The following ONECUT1 variants were observed in gnomAD, a reference collection of about 807,000 sequenced individuals.
The protein encoded by ONECUT1 is hepatocyte nuclear factor 6.
A neutral mutation model predicts 25.6 loss-of-function variants in ONECUT1; 12 were observed. That is an observed-to-expected ratio of 0.47 (90% CI 0.30 to 0.76). ONECUT1 has a LOEUF of 0.76. Ranked by LOEUF, ONECUT1 falls within the 30% of genes least tolerant of loss-of-function variation. ONECUT1 has a pLI of 0.07. For missense variants in ONECUT1, 620 were observed against 651.2 expected, an observed-to-expected ratio of 0.95 and a Z score of 0.52; for synonymous variants, 285 against 270.2, an observed-to-expected ratio of 1.05 and a Z score of -0.54.
chr15:52,763,905 T>C (rs11637093), intron 1 of ONECUT1, among the ~76,000 whole-genome samples: 62,263 of 152,090 alleles, frequency 0.41, 14,428 homozygotes, highest in East Asian at 0.82. Flanking sequence ...TTTTTTATTG[T>C]ATTATCAAAA....
rs2083675911 is a variant in ONECUT1 at position 52,756,802 on chromosome 15, A to G, written c.*753T>C. On this transcript the variant is annotated 3_prime_UTR_variant, in exon 2 of 2. Transcript: ENST00000305901. ...TTTTCATAGTATCTTGTGTAAAAAT[A>G]GCTTTGGTTATTAAAATCATTGCAA... Among the ~76,000 whole-genome samples, 1 of 152,218 alleles carries G rather than the reference A, an allele frequency of 6.6e-6. No individual in the cohort carries two copies. The highest frequency in any genetic ancestry group is 2.4e-5 in the African/African-American group (1 of 41,470).
At position 52,755,427 on chromosome 15, in the gene ONECUT1, T is replaced by G. The variant is rs2083669601; in HGVS notation, c.*2128A>C. ...AGAAGGGAAATTTTTAAGCTGGAGT[T>G]GTGGGTGAAATTAAAAACAAAAAAC... is the stretch of plus-strand genomic sequence containing the variant. On this transcript the variant is annotated 3_prime_UTR_variant, in exon 2 of 2. Transcript: ENST00000305901. Among the ~76,000 whole-genome samples the G allele has an allele frequency of 6.6e-6, 1 of 152,198 alleles. No individual in the cohort carries two copies. Among genetic ancestry groups the G allele is most frequent in the Admixed American group, 6.5e-5 (1 of 15,276 alleles).
chr15:52,789,371 C>G lies in ONECUT1; in HGVS notation c.514G>C (p.Val172Leu). ...GAGAGGCTCTGGCCCATGCCGGCCA[C>G]GTCCTTGTGGTAGGGGGTATAGAGG... is the stretch of plus-strand genomic sequence containing the variant. ...NNLYTPYHKD[V>L]AGMGQSLSPL... The change falls in exon 1 of 2, where the codon GTG becomes CTG. Residue 172 changes from valine (V) to leucine (L), a missense_variant. Coordinates refer to ENST00000305901, the MANE Select transcript of ONECUT1 (RefSeq NM_004498.4). This position sits in a 1 kb window ranked among gnomAD's most constrained non-coding sequence, Gnocchi z 4.1. The G allele has an allele frequency of 6.2e-7, 1 of 1,609,936 alleles. No individual in the cohort carries two copies. The highest frequency in any genetic ancestry group is 1.1e-5 in the South Asian group (1 of 90,496).
chr15:52,789,665 C>A lies in ONECUT1; in HGVS notation c.220G>T (p.Ala74Ser), dbSNP rs1037804834. 6 of 1,527,438 alleles carry A rather than the reference C, an allele frequency of 3.9e-6. No individual in the cohort carries two copies. Among genetic ancestry groups the A allele is most frequent in the Middle Eastern group, 1.9e-4 (1 of 5,382 alleles). The allele number at this position is 1,527,438 out of a possible 1,614,324, so 94.6% of individuals were successfully genotyped here. The change falls in exon 1 of 2, where the codon GCC (alanine) becomes TCC (serine). Residue 74 changes from alanine to serine, a missense_variant. Physicochemically the swap from Ala to Ser is moderately conservative, Grantham distance 99. Transcript: ENST00000305901. This position sits in a 1 kb window ranked among gnomAD's most constrained non-coding sequence, Gnocchi z 4.1. Reference sequence around the variant, plus strand: ...GGGCCGGCCAGGCTGTGCTCAGGGGCCCGGTGGTGGTGGTGGTAATCTCCG... The same window carrying A: ...GGGCCGGCCAGGCTGTGCTCAGGGGACCGGTGGTGGTGGTGGTAATCTCCG... ...GGGDYHHHHR[A>S]PEHSLAGPLH...
intron 1 of ONECUT1, among the ~76,000 whole-genome samples, chr15:52,773,509 G>C (rs2083781147): frequency 6.6e-6 from 1 of 152,142 alleles, no homozygotes; most frequent in Admixed American, 6.5e-5. Context: ...ATATGTATCT[G>C]TTTCCTGGCT....
chr15:52,759,947 A>G (rs1307378591), intron 1 of ONECUT1, among the ~76,000 whole-genome samples: 1 of 152,134 alleles, frequency 6.6e-6, no homozygotes, highest in African/African-American at 2.4e-5. Context: ...ATAGACATGG[A>G]ATTCTCTTCT....
At chr15:52,773,082 T>C (rs1054504840) in intron 1 of ONECUT1, among the ~76,000 whole-genome samples, 1 of 151,498 alleles carries the variant, frequency 6.6e-6, no homozygotes, top group African/African-American at 2.4e-5. Context: ...GTATGGCAGG[T>C]GGGGTGGGGA....
At chr15:52,758,363 T>A (rs2083686531) in intron 1 of ONECUT1, among the ~76,000 whole-genome samples, 1 of 152,196 alleles carries the variant, frequency 6.6e-6, no homozygotes, top group Admixed American at 6.5e-5. Flanking sequence ...CTAATCAGAG[T>A]CTAAAAACAT....
intron 1 of ONECUT1, among the ~76,000 whole-genome samples, chr15:52,759,315 C>T (rs1476194172): frequency 6.6e-6 from 1 of 152,176 alleles, no homozygotes; most frequent in African/African-American, 2.4e-5. Flanking sequence ...CCTGCCCCTC[C>T]CTTTCATTTC....
intron 1 of ONECUT1, among the ~76,000 whole-genome samples, chr15:52,778,399 G>T (rs983975616): frequency 6.6e-6 from 1 of 152,178 alleles, no homozygotes; most frequent in African/African-American, 2.4e-5. Flanking sequence ...AACAGTCTTT[G>T]CATGTCTCTA....
At chr15:52,761,055 G>T (rs1456230039) in intron 1 of ONECUT1, among the ~76,000 whole-genome samples, 1 of 150,292 alleles carries the variant, frequency 6.7e-6, no homozygotes, top group Non-Finnish European at 1.5e-5. Context: ...GGGGGTGGGT[G>T]GGGGGCTGTA....
In ONECUT1 at chr15:52,789,351, G is replaced by A. The variant is rs1161624616; in HGVS notation, c.534C>T (p.Ser178=). Reference sequence around the variant, plus strand: ...GACCGGAGCTGGAGAGGGGCGAGAGGCTCTGGCCCATGCCGGCCACGTCCT... The same window carrying A: ...GACCGGAGCTGGAGAGGGGCGAGAGACTCTGGCCCATGCCGGCCACGTCCT... ...YHKDVAGMGQ[S]LSPLSSSGLG... is the part of the protein sequence containing the mutation. The change falls in exon 1 of 2, where the codon AGC becomes AGT. Residue 178 remains serine (S), a synonymous_variant. Coordinates refer to ENST00000305901, the MANE Select transcript of ONECUT1 (RefSeq NM_004498.4). The surrounding 1 kb of genome is among the most constrained non-coding windows in gnomAD (Gnocchi z 4.1). 1.2e-6 allele frequency: 2 copies of A among 1,603,526 alleles called. No homozygotes were observed. Among genetic ancestry groups the A allele is most frequent in the Non-Finnish European group, 1.7e-6 (2 of 1,173,956 alleles).
rs949196073 is a variant in ONECUT1 at position 52,789,672 on chromosome 15, G to C, written c.213C>G (p.His71Gln). ...GGSGGGDYHH[H>Q]HRAPEHSLAG... ...CCAGGCTGTGCTCAGGGGCCCGGTG[G>C]TGGTGGTGGTAATCTCCGCCGCCGC... The change falls in exon 1 of 2, where the codon CAC (histidine) becomes CAG (glutamine). Residue 71 changes from histidine (H) to glutamine (Q), a missense_variant. Transcript: ENST00000305901. The surrounding 1 kb of genome is among the most constrained non-coding windows in gnomAD (Gnocchi z 4.1). The C allele has an allele frequency of 6.6e-7, 1 of 1,518,840 alleles. No homozygotes were observed. The highest frequency in any genetic ancestry group is 8.8e-7 in the Non-Finnish European group (1 of 1,137,678). 94.1% of individuals were successfully genotyped at this position (1,518,840 alleles called of 1,614,324 possible). A position where few individuals can be genotyped will look rare whatever the true frequency, so the allele number is the denominator to read the frequency against.
In ONECUT1 at chr15:52,783,963, G is replaced by A. The variant is rs550981152; in HGVS notation, c.1105+4817C>T. 2.0e-5 allele frequency among the ~76,000 whole-genome samples: 3 copies of A among 152,338 alleles called. No individual in the cohort carries two copies. In the South Asian group the frequency reaches 6.2e-4, roughly 32 times the overall value. On this transcript the variant is annotated intron_variant, in intron 1 of 1. Coordinates refer to ENST00000305901, the MANE Select transcript of ONECUT1 (RefSeq NM_004498.4). ...TTCACACTTTCTTCCTATCAAAATA[G>A]TTATTGTTTTGAAATTCACTAGAAC...
At position 52,766,122 on chromosome 15, in the gene ONECUT1, A is replaced by G. The variant is rs114620125; in HGVS notation, c.1106-8275T>C. Among the ~76,000 whole-genome samples the G allele has an allele frequency of 2.7e-3, 418 of 152,372 alleles. 1 individual carries two copies. Among genetic ancestry groups the G allele is most frequent in the African/African-American group, 9.6e-3 (401 of 41,596 alleles). ...AGAGAGCAGACATTCCCAGTGGGGA[A>G]TAATCACCGTAACTCACCCTTGTGT... On this transcript the variant is annotated intron_variant, in intron 1 of 1. Transcript: ENST00000305901.
chr15:52,787,791 C>T (rs1216944715), intron 1 of ONECUT1: 1 of 152,202 alleles, frequency 6.6e-6, no homozygotes, highest in Non-Finnish European at 1.5e-5. Flanking sequence ...TCCTGAAATC[C>T]CCGGTGGGGT....
In ONECUT1 at chr15:52,774,315, T is replaced by TTTA. The variant is rs1566991438; in HGVS notation, c.1105+14464_1105+14465insTAA. Among the ~76,000 whole-genome samples the TTTA allele has an allele frequency of 6.1e-3, 858 of 141,720 alleles. 13 individuals carry two copies. In the East Asian group the frequency reaches 0.083, roughly 14 times the overall value. The allele number at this position is 141,720 out of a possible 152,430, so 93.0% of individuals were successfully genotyped here. A position where few individuals can be genotyped will look rare whatever the true frequency, so the allele number is the denominator to read the frequency against. On this transcript the variant is annotated intron_variant, in intron 1 of 1. Transcript: ENST00000305901. ...TATTTATTTATTTATTTATTTATTT[T>TTTA]TTGAGACAGAGTTTCGCTCTTGTTG...
Position 52,789,948 on chromosome 15 carries a change from C to A in ONECUT1, c.-64G>T. On this transcript the variant is annotated 5_prime_UTR_variant, in exon 1 of 2. Coordinates refer to ENST00000305901, the MANE Select transcript of ONECUT1 (RefSeq NM_004498.4). The surrounding 1 kb of genome is among the most constrained non-coding windows in gnomAD (Gnocchi z 4.1). The stretch of plus-strand genomic sequence containing the variant: ...GTGGCCAGGCAGAGGCGGCGAGGGG[C>A]GCACGGAGTCCGGTCTTCACATCGG... The A allele has an allele frequency of 6.8e-7, 1 of 1,463,648 alleles. No individual in the cohort carries two copies. The highest frequency in any genetic ancestry group is 2.7e-5 in the East Asian group (1 of 36,834). The allele number at this position is 1,463,648 out of a possible 1,614,324, so 90.7% of individuals were successfully genotyped here.
chr15:52,788,679 G>T lies in ONECUT1; in HGVS notation c.1105+101C>A. 7.6e-7 allele frequency: 1 copy of T among 1,320,236 alleles called. No homozygotes were observed. The highest frequency in any genetic ancestry group is 1.0e-6 in the Non-Finnish European group (1 of 964,748). The allele number at this position is 1,320,236 out of a possible 1,614,324, so 81.8% of individuals were successfully genotyped here. A position where few individuals can be genotyped will look rare whatever the true frequency, so the allele number is the denominator to read the frequency against. On this transcript the variant is annotated intron_variant, in intron 1 of 1. Coordinates refer to ENST00000305901, the MANE Select transcript of ONECUT1 (RefSeq NM_004498.4). This position sits in a 1 kb window ranked among gnomAD's most constrained non-coding sequence, Gnocchi z 4.3. ...CCCCTTCTAGGGGTAGGGGCGGGCG[G>T]GATGAAGCGCACCCAGCCCTCTCTC...
Sources: gnomAD v4.1 joint callset for allele counts (sites outside exome capture counted in the v4.1 genomes callset) on GRCh38, gnomAD v4.1.1 for gene constraint, Gnocchi (gnomAD v3.1) non-coding constraint, MANE v1.5 for transcripts, NCBI Gene and HGNC (gene_info 2026-07-23, HGNC 2026-07-21) for gene names.